ISLR2: variants seen among roughly 807,000 people sequenced by gnomAD.
The protein encoded by ISLR2 is immunoglobulin superfamily containing leucine-rich repeat protein 2.
In ISLR2, 16 loss-of-function variants were observed where a neutral mutation model predicts 25.5. The ratio of observed to expected loss-of-function variants is 0.63; its 90% confidence interval spans 0.43 to 0.95. The LOEUF is 0.95. ISLR2 is among the 40% of genes least tolerant of loss of function. The pLI is 0.00. For synonymous variants in ISLR2, 508 were observed against 486.6 expected (o/e 1.04, Z -0.58); for missense variants, 883 against 1,030.7 (o/e 0.86, Z 1.96).
At position 74,132,168 on chromosome 15, in the gene ISLR2, A is replaced by C. The variant is rs774982999; in HGVS notation, c.-8-579A>C. On this transcript the variant is annotated intron_variant, in intron 2 of 2. Coordinates refer to ENST00000453268, the MANE Select transcript of ISLR2 (RefSeq NM_020851.3). The surrounding 1 kb of genome is among the most constrained non-coding windows in gnomAD (Gnocchi z 4.3). ...CTATTGTGTCCATGTCTGGGTGCATATGTGTTTGTGAGTTTAGGAAATGTG... is the reference window on the plus strand; with the variant it reads ...CTATTGTGTCCATGTCTGGGTGCATCTGTGTTTGTGAGTTTAGGAAATGTG... Among the ~76,000 whole-genome samples, 39 of 152,248 alleles carry C rather than the reference A, an allele frequency of 2.6e-4. 1 individual carries two copies. Among genetic ancestry groups the C allele is most frequent in the Middle Eastern group, 6.8e-3 (2 of 294 alleles).
intron 2 of ISLR2, among the ~76,000 whole-genome samples, chr15:74,105,561 T>A (rs1181655645): frequency 7.9e-6 from 1 of 125,930 alleles, no homozygotes; most frequent in Non-Finnish European, 1.7e-5. Flanking sequence ...AGTCTCCACC[T>A]CACTTCATCT....
In ISLR2 at chr15:74,132,697, G is replaced by T; in HGVS notation, c.-8-50G>T. ...CACAGCTTGATAGGGGAGGTAAGCTGGGGTTCAGTGAGTCACCTTCTTTCT... is the reference window on the plus strand; with the variant it reads ...CACAGCTTGATAGGGGAGGTAAGCTTGGGTTCAGTGAGTCACCTTCTTTCT... On this transcript the variant is annotated intron_variant, in intron 2 of 2. Transcript: ENST00000453268. This position sits in a 1 kb window ranked among gnomAD's most constrained non-coding sequence, Gnocchi z 4.3. The T allele has an allele frequency of 6.4e-7, 1 of 1,567,086 alleles. No individual in the cohort carries two copies. The highest frequency in any genetic ancestry group is 8.7e-7 in the Non-Finnish European group (1 of 1,154,808).
At chr15:74,111,008 T>G (rs1325014435) in intron 2 of ISLR2, among the ~76,000 whole-genome samples, 1 of 150,596 alleles carries the variant, frequency 6.6e-6, no homozygotes, top group African/African-American at 2.4e-5. Flanking sequence ...GGTGTGTTGG[T>G]GGGTGCCTAT....
chr15:74,104,635 C>G (rs1334666828), intron 2 of ISLR2, among the ~76,000 whole-genome samples: 1 of 151,792 alleles, frequency 6.6e-6, no homozygotes, highest in African/African-American at 2.4e-5. Context: ...ATTAAAACAT[C>G]AGCCAGATGT....
In ISLR2 at chr15:74,133,688, A is replaced by T. The variant is rs1435695204; in HGVS notation, c.934A>T (p.Thr312Ser). 1.2e-6 allele frequency: 2 copies of T among 1,607,486 alleles called. No homozygotes were observed. The highest frequency in any genetic ancestry group is 3.4e-5 in the Admixed American group (2 of 58,816). The change falls in exon 3 of 3, where the codon ACC becomes TCC. Residue 312 changes from threonine (T) to serine (S), a missense_variant. Thr to Ser is a moderately conservative substitution (Grantham distance 58). Around this residue, in one of 2 missense-constraint regions of ISLR2, gnomAD observed 612 missense variants for 642.8 expected, o/e 0.95. Coordinates refer to ENST00000453268, the MANE Select transcript of ISLR2 (RefSeq NM_020851.3). Reference protein sequence around the residue: ...GEGDGDLLTQTQAQTPTPAPA... With the variant: ...GEGDGDLLTQSQAQTPTPAPA... ...AGGAGATGGGGATTTGCTGACGCAGACCCAAGCCCAAACGCCGACTCCAGC... is the reference window on the plus strand; with the variant it reads ...AGGAGATGGGGATTTGCTGACGCAGTCCCAAGCCCAAACGCCGACTCCAGC...
rs1349763027 is a variant in ISLR2 at position 74,132,457 on chromosome 15, T to A, written c.-8-290T>A. Among the ~76,000 whole-genome samples the A allele has an allele frequency of 6.6e-6, 1 of 151,864 alleles. No individual in the cohort carries two copies. Among genetic ancestry groups the A allele is most frequent in the Non-Finnish European group, 1.5e-5 (1 of 67,968 alleles). On this transcript the variant is annotated intron_variant, in intron 2 of 2. Transcript: ENST00000453268. This position sits in a 1 kb window ranked among gnomAD's most constrained non-coding sequence, Gnocchi z 4.3. ...AGGAGCCCGCTGGAGATGGGCGAGC[T>A]GCGGAGCCCACGGAGGGGCCAGCTC...
Position 74,135,785 on chromosome 15 carries a change from G to A in ISLR2, c.*793G>A, listed in dbSNP as rs929049778. 1.8e-5 allele frequency: 3 copies of A among 164,966 alleles called. No homozygotes were observed. The highest frequency in any genetic ancestry group is 4.8e-5 in the African/African-American group (2 of 41,422). The allele number at this position is 164,966 out of a possible 1,614,324, so 10.2% of individuals were successfully genotyped here. A position where few individuals can be genotyped will look rare whatever the true frequency, so the allele number is the denominator to read the frequency against. The stretch of plus-strand genomic sequence containing the variant: ...CTCAAAGTGCTGGGATTACAGGCGT[G>A]AGGCACCGCGCCCGGCCCCTCCTCC... On this transcript the variant is annotated 3_prime_UTR_variant, in exon 3 of 3. Coordinates refer to ENST00000453268, the MANE Select transcript of ISLR2 (RefSeq NM_020851.3).
chr15:74,140,681 A>C (rs1485266684), downstream of ISLR2, among the ~76,000 whole-genome samples: 1 of 152,234 alleles, frequency 6.6e-6, no homozygotes, highest in Non-Finnish European at 1.5e-5. Flanking sequence ...GACCTAACAA[A>C]TACCTTTACC....
rs921276463 is a variant in ISLR2, at chr15:74,135,182, A to G, written c.*190A>G. 2 of 664,944 alleles carry G rather than the reference A, an allele frequency of 3.0e-6. No individual in the cohort carries two copies. Among genetic ancestry groups the G allele is most frequent in the Non-Finnish European group, 5.2e-6 (2 of 385,782 alleles). The allele number at this position is 664,944 out of a possible 1,614,324, so 41.2% of individuals were successfully genotyped here. A position where few individuals can be genotyped will look rare whatever the true frequency, so the allele number is the denominator to read the frequency against. ...CCGATTTCACCAGTCCCTGCTACCC[A>G]CGGCTGCCATTCTCCCTGCGGGCTG... On this transcript the variant is annotated 3_prime_UTR_variant, in exon 3 of 3. Coordinates refer to ENST00000453268, the MANE Select transcript of ISLR2 (RefSeq NM_020851.3).
In ISLR2 at chr15:74,133,944, G is replaced by T. The variant is rs747155913; in HGVS notation, c.1190G>T (p.Arg397Leu). Residue 397 changes from arginine to leucine, a missense_variant, in exon 3 of 3, where the codon CGC (arginine) becomes CTC (leucine). By Grantham distance (102) the Arg-to-Leu change is moderately radical. Coordinates refer to ENST00000453268, the MANE Select transcript of ISLR2 (RefSeq NM_020851.3). Reference sequence around the variant, plus strand: ...GACGGACAGGCCCCGACCTCTGAGCGCAAGTCCACAGCCAAGGGCCGGGGC... The same window carrying T: ...GACGGACAGGCCCCGACCTCTGAGCTCAAGTCCACAGCCAAGGGCCGGGGC... ...EPDGQAPTSERKSTAKGRGNS... is the reference protein window; with the variant it reads ...EPDGQAPTSELKSTAKGRGNS... 2 of 1,605,832 alleles carry T rather than the reference G, an allele frequency of 1.2e-6. No homozygotes were observed. The highest frequency in any genetic ancestry group is 2.2e-5 in the East Asian group (1 of 44,480).
At chr15:74,128,280 A>G (rs2072327150), upstream of ISLR2, 1 of 355,186 alleles carries the variant, frequency 2.8e-6, no homozygotes, top group Non-Finnish European at 5.4e-6. Flanking sequence ...CCGGGCGGGC[A>G]CTGGGCTCTC....
Position 74,110,869 on chromosome 15 carries a change from G to T in ISLR2, n.228+6955G>T, listed in dbSNP as rs1384314854. ...AGCTGCTTGGGAGGCTGAGGCAGGA[G>T]AATCACTTGAATCCAGGAGGCAGAG... On this transcript the variant is annotated intron_variant and non_coding_transcript_variant, in intron 2 of 3. Transcript: ENST00000561975. Among the ~76,000 whole-genome samples, 5 of 152,288 alleles carry T rather than the reference G, an allele frequency of 3.3e-5. No individual in the cohort carries two copies. The East Asian group carries it at 7.7e-4, about 24-fold the overall frequency.
rs773064640 is a variant in ISLR2 at position 74,134,333 on chromosome 15, C to G, written c.1579C>G (p.Leu527Val). Reference protein sequence around the residue: ...GGAPRPGRRPLRLLYLCPAGG... With the variant: ...GGAPRPGRRPVRLLYLCPAGG... ...AGCCCCGCGACCCGGGCGGCGACCC[C>G]TGCGCCTACTCTATCTGTGTCCAGC... The change falls in exon 3 of 3, where the codon CTG becomes GTG. Residue 527 changes from leucine to valine, a missense_variant. By Grantham distance (32) the Leu-to-Val change is conservative. Around this residue, in one of 2 missense-constraint regions of ISLR2, gnomAD observed 612 missense variants for 642.8 expected, o/e 0.95. Coordinates refer to ENST00000453268, the MANE Select transcript of ISLR2 (RefSeq NM_020851.3). 6.4e-7 allele frequency: 1 copy of G among 1,564,810 alleles called. No homozygotes were observed. The highest frequency in any genetic ancestry group is 2.3e-5 in the East Asian group (1 of 42,818).
At position 74,133,633 on chromosome 15, in the gene ISLR2, C is replaced by T; in HGVS notation, c.879C>T (p.Asp293=). The change falls in exon 3 of 3, where the codon GAC becomes GAT. Residue 293 remains aspartate (D), a synonymous_variant. Transcript: ENST00000453268. The part of the protein sequence containing the change: ...LEPPVLSGED[D]GVGAEEGEGE... ...CACCGGTTCTGAGCGGGGAGGACGA[C>T]GGGGTTGGGGCGGAGGAAGGAGAGG... 2 of 1,613,592 alleles carry T rather than the reference C, an allele frequency of 1.2e-6. No individual in the cohort carries two copies. Among genetic ancestry groups the T allele is most frequent in the South Asian group, 1.1e-5 (1 of 91,024 alleles).
chr15:74,110,558 C>T (rs1274856606), intron 2 of ISLR2, among the ~76,000 whole-genome samples: 1 of 152,056 alleles, frequency 6.6e-6, no homozygotes, highest in East Asian at 1.9e-4. Context: ...TGGCTCACGC[C>T]TGTAATCCCA....
intron 2 of ISLR2, among the ~76,000 whole-genome samples, chr15:74,108,137 G>T (rs1037038457): frequency 1.3e-5 from 2 of 152,152 alleles, no homozygotes; most frequent in Non-Finnish European, 2.9e-5. Context: ...AGTCCATAAG[G>T]GAGGGTTCTG....
Position 74,134,804 on chromosome 15 carries a change from G to A in ISLR2, c.2050G>A (p.Gly684Arg), listed in dbSNP as rs374622832. 2 of 1,614,012 alleles carry A rather than the reference G, an allele frequency of 1.2e-6. No individual in the cohort carries two copies. Among genetic ancestry groups the A allele is most frequent in the Non-Finnish European group, 1.7e-6 (2 of 1,180,024 alleles). ...GGGCCTTGATGAAGACGCGGAGCAG[G>A]GAGACCCAAGTGGGGACCTGCAGAG... ...GEGLDEDAEQ[G>R]DPSGDLQREE... is the part of the protein sequence containing the mutation. The change falls in exon 3 of 3, where the codon GGA becomes AGA. Residue 684 changes from glycine to arginine, a missense_variant. Coordinates refer to ENST00000453268, the MANE Select transcript of ISLR2 (RefSeq NM_020851.3).
intron 2 of ISLR2, among the ~76,000 whole-genome samples, chr15:74,115,325 G>T (rs901561412): frequency 6.6e-6 from 1 of 152,180 alleles, no homozygotes; most frequent in African/African-American, 2.4e-5. Context: ...CTGGAACAGA[G>T]TCCCTCACTA....
At chr15:74,124,348 T>C (rs1446220173), upstream of ISLR2, among the ~76,000 whole-genome samples, 1 of 152,066 alleles carries the variant, frequency 6.6e-6, no homozygotes, top group Non-Finnish European at 1.5e-5. Flanking sequence ...TTCATCCCCT[T>C]CACCAGTGAC....
Sources: gnomAD v4.1 joint callset for allele counts (sites outside exome capture counted in the v4.1 genomes callset) on GRCh38, gnomAD v4.1.1 for gene constraint, gnomAD v4.1.1 regional missense constraint, Gnocchi (gnomAD v3.1) non-coding constraint, MANE v1.5 for transcripts, NCBI Gene and HGNC (gene_info 2026-07-23, HGNC 2026-07-21) for gene names.